Variants in SHISA9 observed in about 807,000 individuals in gnomAD.
SHISA9 encodes shisa family member 9, also known as protein shisa-9.
In SHISA9, 13 loss-of-function variants were observed where a neutral mutation model predicts 38.0. The observed-to-expected ratio is 0.34, with a 90% CI of 0.22 to 0.54. The LOEUF (loss-of-function observed/expected upper bound fraction) is 0.54. Ranked by LOEUF, SHISA9 falls within the 20% of genes least tolerant of loss-of-function variation. The pLI, the probability that SHISA9 is intolerant of heterozygous loss-of-function variation, is 0.91. For synonymous variants in SHISA9, 275 were observed against 242.0 expected (o/e 1.14, Z -1.27); for missense variants, 538 against 575.8 (o/e 0.93, Z 0.67).
chr16:13,436,029 G>A, the SHISA9 span, among the ~76,000 whole-genome samples: 1 of 152,136 alleles, frequency 6.6e-6, no homozygotes, highest in Non-Finnish European at 1.5e-5. Context: ...CCAGTTGAAG[G>A]GTCAGCTATC....
the SHISA9 span, among the ~76,000 whole-genome samples, chr16:13,262,798 GT>G: frequency 6.6e-6 from 1 of 152,060 alleles, no homozygotes; most frequent in Admixed American, 6.6e-5. Context: ...ATGAAGTATG[GT>G]TTTTGGGGTG....
intron 2 of SHISA9, among the ~76,000 whole-genome samples, chr16:13,179,149 C>G (rs907357775): frequency 5.9e-5 from 9 of 152,106 alleles, no homozygotes; most frequent in African/African-American, 1.7e-4. Context: ...AACCCTGCCT[C>G]TACTAAAAAT....
At chr16:13,436,735 A>T in the SHISA9 span, among the ~76,000 whole-genome samples, 1 of 152,060 alleles carries the variant, frequency 6.6e-6, no homozygotes, top group African/African-American at 2.4e-5. Flanking sequence ...AACTTTAGGC[A>T]CCTGTTACTA....
the SHISA9 span, among the ~76,000 whole-genome samples, chr16:13,375,813 G>A: frequency 6.6e-6 from 1 of 152,146 alleles, no homozygotes; most frequent in Admixed American, 6.5e-5. Flanking sequence ...TGGATAAGAA[G>A]ACTTAATATT....
intron 2 of SHISA9, among the ~76,000 whole-genome samples, chr16:12,997,565 C>A (rs1237184806): frequency 6.6e-6 from 1 of 151,924 alleles, no homozygotes; most frequent in African/African-American, 2.4e-5. Flanking sequence ...CACCATCAAA[C>A]CTGGCTAATT....
At chr16:13,172,326 T>C (rs143370035) in intron 2 of SHISA9, among the ~76,000 whole-genome samples, 2 of 152,322 alleles carry the variant, frequency 1.3e-5, no homozygotes, top group East Asian at 3.9e-4. Flanking sequence ...CACCTGCACA[T>C]CTTTGTAGTC....
Position 12,916,724 on chromosome 16 carries a change from C to T in SHISA9, c.600C>T (p.Cys200=). 6.4e-7 allele frequency: 1 copy of T among 1,552,108 alleles called. No individual in the cohort carries two copies. The highest frequency in any genetic ancestry group is 8.7e-7 in the Non-Finnish European group (1 of 1,147,074). The change falls in exon 2 of 5, where the codon TGC becomes TGT. Residue 200 remains cysteine, a synonymous_variant. Transcript: ENST00000558583. ...LADVMRPQGH[C]NTDHMERDLN... is the part of the protein sequence containing the mutation. ...ATGTCATGAGACCACAGGGCCACTG[C>T]AACACTGATCACATGGAGAGAGACC...
chr16:13,173,349 A>G (rs1038326160), intron 2 of SHISA9, among the ~76,000 whole-genome samples: 3 of 148,878 alleles, frequency 2.0e-5, no homozygotes, highest in Non-Finnish European at 3.0e-5. Flanking sequence ...AGACACTACA[A>G]TGTGGAAATG....
At chr16:13,191,064 C>T (rs1318979481) in intron 2 of SHISA9, among the ~76,000 whole-genome samples, 1 of 152,086 alleles carries the variant, frequency 6.6e-6, no homozygotes, top group Non-Finnish European at 1.5e-5. Flanking sequence ...GGATTGGATA[C>T]TTCTTTTTTC....
chr16:13,117,896 A>T (rs978729675), intron 2 of SHISA9, among the ~76,000 whole-genome samples: 2 of 152,168 alleles, frequency 1.3e-5, no homozygotes, highest in Non-Finnish European at 2.9e-5. Context: ...AAAAGCTCAC[A>T]GTCAGCCTGG....
chr16:13,277,111 C>G, the SHISA9 span, among the ~76,000 whole-genome samples: 1 of 152,062 alleles, frequency 6.6e-6, no homozygotes, highest in African/African-American at 2.4e-5. Flanking sequence ...AGATGAGGAT[C>G]CAGTTTCATT....
chr16:12,913,652 T>G (rs2071215248), intron 1 of SHISA9, among the ~76,000 whole-genome samples: 1 of 152,180 alleles, frequency 6.6e-6, no homozygotes, highest in South Asian at 2.1e-4. Flanking sequence ...TCCATATCCA[T>G]TAGCAGCCAC....
intron 2 of SHISA9, among the ~76,000 whole-genome samples, chr16:13,163,625 G>A (rs957135779): frequency 3.9e-5 from 6 of 152,018 alleles, no homozygotes; most frequent in African/African-American, 1.4e-4. Flanking sequence ...CCATGAACAT[G>A]ACATATTTCT....
chr16:12,986,463 A>G (rs2072310960), intron 2 of SHISA9, among the ~76,000 whole-genome samples: 1 of 152,210 alleles, frequency 6.6e-6, no homozygotes, highest in Non-Finnish European at 1.5e-5. Context: ...GGTAATTAAA[A>G]TAATGGAAGT....
At chr16:13,151,285 T>G (rs553923704) in intron 2 of SHISA9, among the ~76,000 whole-genome samples, 1 of 152,214 alleles carries the variant, frequency 6.6e-6, no homozygotes, top group Non-Finnish European at 1.5e-5. Context: ...TTTTGTATTT[T>G]TAGTAGAGAT....
intron 2 of SHISA9, among the ~76,000 whole-genome samples, chr16:13,179,650 T>G (rs2050760849): frequency 6.6e-6 from 1 of 152,228 alleles, no homozygotes; most frequent in Non-Finnish European, 1.5e-5. Flanking sequence ...CCCCTGGGAA[T>G]GACAGTGGGG....
At chr16:12,954,347 C>A (rs541882596) in intron 2 of SHISA9, among the ~76,000 whole-genome samples, 1 of 152,292 alleles carries the variant, frequency 6.6e-6, no homozygotes, top group South Asian at 2.1e-4. Flanking sequence ...GCATACAGAA[C>A]TCAGATTTTA....
the SHISA9 span, among the ~76,000 whole-genome samples, chr16:13,325,866 A>T: frequency 6.6e-6 from 1 of 150,912 alleles, no homozygotes; most frequent in Non-Finnish European, 1.5e-5. Flanking sequence ...ACATGGACAC[A>T]GGGAGGGGAA....
At chr16:13,135,116 A>G (rs760276988) in intron 2 of SHISA9, among the ~76,000 whole-genome samples, 4 of 152,194 alleles carry the variant, frequency 2.6e-5, no homozygotes, top group African/African-American at 9.6e-5. Flanking sequence ...GTTGCCATCA[A>G]TGGGAGCAAG....
Sources: allele counts gnomAD v4.1 joint callset (sites outside exome capture counted in the v4.1 genomes callset), GRCh38; gene constraint gnomAD v4.1.1; transcripts MANE v1.5; gene names NCBI Gene and HGNC (gene_info 2026-07-23, HGNC 2026-07-21).